Variants in NCOA1 observed in about 807,000 individuals in gnomAD.
The protein encoded by NCOA1 is Hin-2 protein.
NCOA1 carries 35 observed loss-of-function variants against 150.9 expected under a neutral mutation model. The observed-to-expected ratio is 0.23, with a 90% CI of 0.18 to 0.31. The LOEUF is 0.31. Among genes scored for constraint, NCOA1 ranks in the 10% least tolerant of loss-of-function variants. The pLI, the probability that NCOA1 is intolerant of heterozygous loss-of-function variation, is 1.00. For synonymous variants in NCOA1, 590 were observed against 630.0 expected, an observed-to-expected ratio of 0.94 and a Z score of 0.95; for missense variants, 1,491 against 1,749.3, an observed-to-expected ratio of 0.85 and a Z score of 2.63.
At chr2:24,500,783 AT>A (rs1389725150) in intron 1 of NCOA1, among the ~76,000 whole-genome samples, 7 of 152,352 alleles carry the variant, frequency 4.6e-5, no homozygotes, top group African/African-American at 1.7e-4. Context: ...AACACACTTA[AT>A]CTGCCCCTTT....
intron 2 of NCOA1, among the ~76,000 whole-genome samples, chr2:24,572,102 C>A (rs562490215): frequency 5.7e-4 from 86 of 152,164 alleles, no homozygotes; most frequent in South Asian, 2.5e-3. Context: ...CTAGTAAATA[C>A]GCTTTTTGGT....
chr2:24,632,510 G>A (rs531178313), intron 3 of NCOA1, among the ~76,000 whole-genome samples: 20 of 152,334 alleles, frequency 1.3e-4, no homozygotes, highest in African/African-American at 4.8e-4. Context: ...CTCTTGGCTA[G>A]TGGACACCAG....
At chr2:24,716,034 C>T (rs1674021617) in intron 14 of NCOA1, among the ~76,000 whole-genome samples, 1 of 151,394 alleles carries the variant, frequency 6.6e-6, no homozygotes, top group South Asian at 2.1e-4. Flanking sequence ...GTCCTAGCTA[C>T]TCGGGAGGCT....
At chr2:24,761,965 C>T (rs1221687391) in intron 21 of NCOA1, among the ~76,000 whole-genome samples, 3 of 152,224 alleles carry the variant, frequency 2.0e-5, no homozygotes, top group South Asian at 4.1e-4. Context: ...GTGATTGTTT[C>T]CCCTGCATCT....
rs757427350 is a variant in NCOA1 at position 24,658,698 on chromosome 2, T to G, written c.21T>G (p.Ser7Arg). 2.5e-6 allele frequency: 4 copies of G among 1,614,090 alleles called. 1 individual carries two copies. The South Asian group carries it at 4.4e-5, about 18-fold the overall frequency. The change falls in exon 5 of 23, where the codon AGT becomes AGG. Residue 7 changes from serine to arginine, a missense_variant. Transcript: ENST00000348332. MSGLGD[S>R]SSDPANPDSH... is the part of the protein sequence containing the mutation. Reference sequence around the variant, plus strand: ...TCAACATGAGTGGCCTCGGGGACAGTTCATCCGACCCTGCTAACCCAGACT... The same window carrying G: ...TCAACATGAGTGGCCTCGGGGACAGGTCATCCGACCCTGCTAACCCAGACT...
chr2:24,576,158 TTTTTG>T lies in NCOA1; in HGVS notation c.-259-8313_-259-8309del, dbSNP rs773342938. On this transcript the variant is annotated intron_variant, in intron 2 of 22. Coordinates refer to ENST00000348332, the MANE Select transcript of NCOA1 (RefSeq NM_003743.5). ...AAATTATTTGGCCTTTGTTTTTTTTTTTTTGTTTTTTGTTTTTTTTTTTTTTTTTT... is the reference window on the plus strand; with the variant it reads ...AAATTATTTGGCCTTTGTTTTTTTTTTTTTTTGTTTTTTTTTTTTTTTTTT... Among the ~76,000 whole-genome samples the T allele has an allele frequency of 5.1e-3, 486 of 95,238 alleles. 11 individuals carry two copies. The highest frequency in any genetic ancestry group is 0.013 in the South Asian group (38 of 2,956). 62.5% of individuals were successfully genotyped at this position (95,238 alleles called of 152,430 possible).
intron 3 of NCOA1, among the ~76,000 whole-genome samples, chr2:24,615,033 G>A (rs776235281): frequency 6.6e-6 from 1 of 152,200 alleles, no homozygotes; most frequent in Non-Finnish European, 1.5e-5. Flanking sequence ...CTAGTGGGTA[G>A]CAGAATTGTT....
chr2:24,577,367 T>G (rs531831530), intron 2 of NCOA1, among the ~76,000 whole-genome samples: 2 of 152,360 alleles, frequency 1.3e-5, no homozygotes, highest in Admixed American at 1.3e-4. Context: ...AACATTAAGT[T>G]TATTTTTTAA....
At chr2:24,671,293 A>G (rs1456101140) in intron 6 of NCOA1, among the ~76,000 whole-genome samples, 1 of 152,112 alleles carries the variant, frequency 6.6e-6, no homozygotes, top group Non-Finnish European at 1.5e-5. Flanking sequence ...GTCCCTTGGT[A>G]TGTGTGGGGG....
At chr2:24,723,504 A>C (rs1450736466) in intron 14 of NCOA1, among the ~76,000 whole-genome samples, 1 of 152,212 alleles carries the variant, frequency 6.6e-6, no homozygotes, top group Non-Finnish European at 1.5e-5. Context: ...CCTTTCCAGC[A>C]GTTGTTTCAG....
intron 20 of NCOA1, among the ~76,000 whole-genome samples, chr2:24,756,050 A>G (rs1217724993): frequency 1.4e-5 from 2 of 145,488 alleles, no homozygotes; most frequent in Non-Finnish European, 3.0e-5. Context: ...CCTGACCAAC[A>G]TGGCAAAACC....
chr2:24,717,148 C>G lies in NCOA1; in HGVS notation c.2599+6037C>G, dbSNP rs960100499. 7.2e-5 allele frequency among the ~76,000 whole-genome samples: 11 copies of G among 152,294 alleles called. No homozygotes were observed. In the South Asian group the frequency reaches 2.1e-3, roughly 29 times the overall value. The stretch of plus-strand genomic sequence containing the variant: ...TGTAGAGCAACAGGAACTCTCGTTG[C>G]TGGTGAGAATACAAAATGGTACAGC... On this transcript the variant is annotated intron_variant, in intron 14 of 22. Coordinates refer to ENST00000348332, the MANE Select transcript of NCOA1 (RefSeq NM_003743.5).
At chr2:24,634,664 C>T (rs1669853710) in intron 3 of NCOA1, among the ~76,000 whole-genome samples, 1 of 150,392 alleles carries the variant, frequency 6.6e-6, no homozygotes, top group African/African-American at 2.4e-5. Flanking sequence ...TAAGGGTTTG[C>T]TCCATCCATC....
At chr2:24,631,445 T>C (rs1448299506) in intron 3 of NCOA1, among the ~76,000 whole-genome samples, 2 of 152,204 alleles carry the variant, frequency 1.3e-5, no homozygotes, top group African/African-American at 4.8e-5. Flanking sequence ...TTTTAATTGT[T>C]TTTGATAACA....
intron 3 of NCOA1, among the ~76,000 whole-genome samples, chr2:24,620,433 G>A (rs939892666): frequency 3.3e-5 from 5 of 152,026 alleles, no homozygotes; most frequent in African/African-American, 1.2e-4. Flanking sequence ...GAGAAACCCC[G>A]TCTCTACTAA....
At chr2:24,527,832 A>C (rs960955920) in intron 1 of NCOA1, among the ~76,000 whole-genome samples, 8 of 152,166 alleles carry the variant, frequency 5.3e-5, no homozygotes, top group Admixed American at 2.0e-4. Flanking sequence ...AACACTTGTT[A>C]TCTCTTTCCT....
At chr2:24,751,013 A>G (rs1469168114) in intron 19 of NCOA1, among the ~76,000 whole-genome samples, 3 of 148,200 alleles carry the variant, frequency 2.0e-5, no homozygotes, top group Non-Finnish European at 3.0e-5. Flanking sequence ...TTTTTGACAG[A>G]GCCTTGCTCT....
Position 24,706,594 on chromosome 2 carries a change from A to G in NCOA1, c.1124A>G (p.Asp375Gly). Residue 375 changes from aspartate (D) to glycine (G), a missense_variant, in exon 13 of 23, where the codon GAT (aspartate) becomes GGT (glycine). By Grantham distance (94) the Asp-to-Gly change is moderately conservative. This residue lies in a region of NCOA1 where 703 missense variants were observed against 717.7 expected (regional missense o/e 0.98). Transcript: ENST00000348332. ...DREHSGLSPQ[D>G]DTNSGMSIPR... Reference sequence around the variant, plus strand: ...GAGCACAGTGGGCTTTCTCCTCAAGATGACACTAATTCTGGAATGTCAATT... The same window carrying G: ...GAGCACAGTGGGCTTTCTCCTCAAGGTGACACTAATTCTGGAATGTCAATT... 1 of 1,613,114 alleles carries G rather than the reference A, an allele frequency of 6.2e-7. No individual in the cohort carries two copies.
intron 11 of NCOA1, among the ~76,000 whole-genome samples, chr2:24,700,968 G>A (rs138434468): frequency 8.9e-4 from 136 of 152,138 alleles, no homozygotes; most frequent in African/African-American, 3.0e-3. Context: ...ATATATTTAA[G>A]GTATTTAAGT....
Sources: gnomAD v4.1 joint callset for allele counts (sites outside exome capture counted in the v4.1 genomes callset) on GRCh38, gnomAD v4.1.1 for gene constraint, gnomAD v4.1.1 regional missense constraint, MANE v1.5 for transcripts, NCBI Gene and HGNC (gene_info 2026-07-23, HGNC 2026-07-21) for gene names.